The following NEMF variants were observed in gnomAD, a reference collection of about 807,000 sequenced individuals.
NEMF encodes nuclear export mediator factor, also known as ribosome quality control complex subunit NEMF.
A neutral mutation model predicts 162.2 loss-of-function variants in NEMF; 89 were observed. The observed-to-expected ratio is 0.55, with a 90% CI of 0.46 to 0.65. The LOEUF (loss-of-function observed/expected upper bound fraction) is 0.65, where lower values mean the gene tolerates loss of function less well. Among genes scored for constraint, NEMF ranks in the 30% least tolerant of loss-of-function variants. The probability of loss-of-function intolerance (pLI) is 0.00; values close to 1 mark genes in which losing one functional copy is unlikely to be tolerated. For missense variants in NEMF, 1,133 were observed against 1,261.9 expected (o/e 0.90, Z 1.55); for synonymous variants, 421 against 404.5 (o/e 1.04, Z -0.49).
chr14:49,845,069 CA>C (rs1893427343), intron 4 of NEMF, among the ~76,000 whole-genome samples: 1 of 102,196 alleles, frequency 9.8e-6, no homozygotes, highest in South Asian at 4.0e-4. Context: ...ACACCTGGCC[CA>C]GATTAAGTTA....
chr14:49,818,075 G>A (rs1300261598), intron 16 of NEMF, among the ~76,000 whole-genome samples: 1 of 150,074 alleles, frequency 6.7e-6, no homozygotes, highest in Admixed American at 6.6e-5. Flanking sequence ...AAATGGACAA[G>A]TGATGAGACT....
chr14:49,831,334 C>CA lies in NEMF; in HGVS notation c.909_910insT (p.Glu304Ter), dbSNP rs755548143. The CA allele has an allele frequency of 1.2e-6, 2 of 1,602,594 alleles. No individual in the cohort carries two copies. The highest frequency in any genetic ancestry group is 3.3e-5 in the Admixed American group (2 of 59,884). On this transcript the variant is annotated frameshift_variant, in exon 11 of 33. Coordinates refer to ENST00000298310, the MANE Select transcript of NEMF (RefSeq NM_004713.6). LOFTEE classifies it high-confidence loss of function. ...GCTTTTAAGTCAATTTTCTGGCCTTCTATCTTGGAATAAAATTCATCCACC... is the reference window on the plus strand; with the variant it reads ...GCTTTTAAGTCAATTTTCTGGCCTTCATATCTTGGAATAAAATTCATCCACC...
intron 22 of NEMF, chr14:49,801,634 G>C (rs933932655): frequency 6.6e-6 from 1 of 152,192 alleles, no homozygotes; most frequent in Non-Finnish European, 1.5e-5. Context: ...AATGACCTTA[G>C]CAGAGAGAAT....
Position 49,782,761 on chromosome 14 carries a change from GT to G in NEMF, c.*1874del. 1 of 1,545,622 alleles carries G rather than the reference GT, an allele frequency of 6.5e-7. No individual in the cohort carries two copies. Among genetic ancestry groups the G allele is most frequent in the East Asian group, 2.3e-5 (1 of 44,284 alleles). On this transcript the variant is annotated 3_prime_UTR_variant, in exon 33 of 33. Coordinates refer to ENST00000298310, the MANE Select transcript of NEMF (RefSeq NM_004713.6). ...GAAAGAAAGAGGGATGTTTTATGTA[GT>G]TTTTCAAGTGAATGTACTTCCAAAC... is the stretch of plus-strand genomic sequence containing the variant.
At chr14:49,803,716 G>C (rs1891058415) in intron 19 of NEMF, among the ~76,000 whole-genome samples, 1 of 151,958 alleles carries the variant, frequency 6.6e-6, no homozygotes, top group Non-Finnish European at 1.5e-5. Context: ...AGTAGAGACG[G>C]GGTTTCACTA....
chr14:49,831,460 C>CA (rs2139975319), intron 10 of NEMF, 99 bp from the exon 11 acceptor site: 1 of 751,854 alleles, frequency 1.3e-6, no homozygotes, highest in African/African-American at 1.8e-5. Flanking sequence ...TTTTTTGAGA[C>CA]AGAGTCTCAC....
At chr14:49,830,784 T>A (rs1341757154) in intron 11 of NEMF, among the ~76,000 whole-genome samples, 1 of 152,274 alleles carries the variant, frequency 6.6e-6, no homozygotes, top group African/African-American at 2.4e-5. Context: ...TTTATGAAAC[T>A]GTTCTGCAGC....
chr14:49,785,619 C>T (rs1159245295), intron 29 of NEMF: 5 of 324,666 alleles, frequency 1.5e-5, no homozygotes, highest in East Asian at 7.5e-5. Context: ...CAGTGGTTCA[C>T]GCCTATAATC....
At chr14:49,848,306 GTTCT>G (rs1297971770) in intron 3 of NEMF, among the ~76,000 whole-genome samples, 10 of 151,894 alleles carry the variant, frequency 6.6e-5, no homozygotes, top group Non-Finnish European at 1.2e-4. Flanking sequence ...TGGCCATAAG[GTTCT>G]TTTTCTTATT....
At position 49,825,909 on chromosome 14, in the gene NEMF, ACTT is replaced by A; in HGVS notation, c.1532_1534del (p.Glu511del). The stretch of plus-strand genomic sequence containing the variant: ...TTTTTGAATAGAGGTAACAGTCTGA[ACTT>A]CTTTTAATGTTTGCTTTGTTTTCTT... On this transcript the variant is annotated inframe_deletion, in exon 16 of 33. Coordinates refer to ENST00000298310, the MANE Select transcript of NEMF (RefSeq NM_004713.6). 1 of 1,611,536 alleles carries A rather than the reference ACTT, an allele frequency of 6.2e-7. No homozygotes were observed. The highest frequency in any genetic ancestry group is 2.2e-5 in the East Asian group (1 of 44,806).
intron 16 of NEMF, among the ~76,000 whole-genome samples, chr14:49,822,458 T>G (rs955634176): frequency 6.6e-6 from 1 of 150,634 alleles, no homozygotes; most frequent in East Asian, 1.9e-4. Flanking sequence ...GAGGTGAAGG[T>G]TGCAGTGAGC....
chr14:49,816,443 G>A (rs1425660457), intron 16 of NEMF, among the ~76,000 whole-genome samples: 4 of 152,136 alleles, frequency 2.6e-5, no homozygotes, highest in Admixed American at 2.0e-4. Flanking sequence ...TGAAGCATGT[G>A]ATCTTTGTGA....
chr14:49,827,244 T>C (rs940022001), intron 15 of NEMF, among the ~76,000 whole-genome samples: 1 of 152,174 alleles, frequency 6.6e-6, no homozygotes, highest in Non-Finnish European at 1.5e-5. Flanking sequence ...TAGAGTGCAA[T>C]GGCATGATCT....
At chr14:49,829,907 G>C (rs1472014293) in intron 11 of NEMF, among the ~76,000 whole-genome samples, 1 of 152,052 alleles carries the variant, frequency 6.6e-6, no homozygotes, top group Admixed American at 6.6e-5. Context: ...ACCTGGCAGG[G>C]AATGAATTCC....
chr14:49,832,034 C>A lies in NEMF; in HGVS notation c.882+17G>T, dbSNP rs770953884. ...TCATGCTAACTAACTGGTAAAGGAA[C>A]AGAACGGAAAACCCACCTTGTCAAA... On this transcript the variant is annotated intron_variant, in intron 10 of 32. Transcript: ENST00000298310. 3.2e-6 allele frequency: 5 copies of A among 1,565,276 alleles called. No homozygotes were observed. Among genetic ancestry groups the A allele is most frequent in the Non-Finnish European group, 4.3e-6 (5 of 1,153,292 alleles).
At chr14:49,828,377 A>T in intron 14 of NEMF, 23 bp from the exon 15 acceptor site, 1 of 1,412,772 alleles carries the variant, frequency 7.1e-7, no homozygotes, top group Non-Finnish European at 9.8e-7. Context: ...ATTTCTCTTA[A>T]ATTTTAAGTA....
intron 6 of NEMF, among the ~76,000 whole-genome samples, chr14:49,835,655 T>C (rs538187117): frequency 2.6e-5 from 4 of 152,306 alleles, no homozygotes; most frequent in Admixed American, 1.3e-4. Flanking sequence ...TACTGGAAGC[T>C]ATAGCTAGCA....
At chr14:49,805,641 T>C (rs1355320250) in intron 19 of NEMF, among the ~76,000 whole-genome samples, 2 of 151,384 alleles carry the variant, frequency 1.3e-5, no homozygotes, top group Non-Finnish European at 2.9e-5. Flanking sequence ...ATTCAGAATA[T>C]TCCAACAAAG....
intron 26 of NEMF, among the ~76,000 whole-genome samples, chr14:49,792,251 C>G (rs1291622099): frequency 6.6e-6 from 1 of 152,184 alleles, no homozygotes; most frequent in East Asian, 1.9e-4. Flanking sequence ...AGTTCTTGCT[C>G]TGTCACCCAG....
Sources: allele counts gnomAD v4.1 joint callset (sites outside exome capture counted in the v4.1 genomes callset), GRCh38; gene constraint gnomAD v4.1.1; transcripts MANE v1.5; gene names NCBI Gene and HGNC (gene_info 2026-07-23, HGNC 2026-07-21).